Variants in CEP72 observed in about 807,000 individuals in gnomAD.
The protein encoded by CEP72 is centrosomal protein 72.
A neutral mutation model predicts 65.7 loss-of-function variants in CEP72; 78 were observed. The observed-to-expected ratio is 1.19, with a 90% CI of 0.99 to 1.43. CEP72 has a LOEUF of 1.43. Among genes scored for constraint, CEP72 ranks in the 40% most tolerant of loss-of-function variants. CEP72 has a pLI of 0.00. For synonymous variants in CEP72, 358 were observed against 351.7 expected (o/e 1.02, Z -0.20); for missense variants, 914 against 832.9 (o/e 1.10, Z -1.20).
At chr5:674,789 ACAG>A in the CEP72 span, among the ~76,000 whole-genome samples, 1 of 151,660 alleles carries the variant, frequency 6.6e-6, no homozygotes, top group African/African-American at 2.4e-5. Context: ...CCAGCAGGGG[ACAG>A]TGGGCTGGTC....
downstream of CEP72, among the ~76,000 whole-genome samples, chr5:667,703 GA>G (rs950555528): frequency 6.6e-6 from 1 of 151,264 alleles, no homozygotes; most frequent in Non-Finnish European, 1.5e-5. Context: ...TCAGCAGTAA[GA>G]AAAAAAATCC....
chr5:643,326 C>G, intron 9 of CEP72: 4 of 985,472 alleles, frequency 4.1e-6, no homozygotes, highest in Non-Finnish European at 4.8e-6. Flanking sequence ...CCCAAAGCCC[C>G]GCGCGGAGGG....
chr5:649,140 A>T (rs1379640894), intron 11 of CEP72, among the ~76,000 whole-genome samples: 7 of 138,932 alleles, frequency 5.0e-5, no homozygotes, highest in African/African-American at 1.9e-4. Context: ...CGTGACTGTG[A>T]GGCGTGACTG....
At position 623,782 on chromosome 5, in the gene CEP72, ACTC is replaced by A. The variant is rs1736554460; in HGVS notation, c.404-684_404-682del. Among the ~76,000 whole-genome samples the A allele has an allele frequency of 6.6e-6, 1 of 151,170 alleles. No individual in the cohort carries two copies. The highest frequency in any genetic ancestry group is 2.4e-5 in the African/African-American group (1 of 41,058). ...TCGGCATCTTTGTGTGATTATCAGAACTCCTCCGTTTTTCTGCTTTGAACATTA... is the reference window on the plus strand; with the variant it reads ...TCGGCATCTTTGTGTGATTATCAGAACTCCGTTTTTCTGCTTTGAACATTA... On this transcript the variant is annotated intron_variant, in intron 3 of 11. Transcript: ENST00000264935. This position sits in a 1 kb window ranked among gnomAD's most constrained non-coding sequence, Gnocchi z 5.3.
chr5:653,217 G>A lies in CEP72; in HGVS notation c.*64G>A. The A allele has an allele frequency of 1.4e-6, 2 of 1,443,536 alleles. No individual in the cohort carries two copies. Among genetic ancestry groups the A allele is most frequent in the South Asian group, 1.4e-5 (1 of 70,574 alleles). 89.4% of individuals were successfully genotyped at this position (1,443,536 alleles called of 1,614,324 possible). Reference sequence around the variant, plus strand: ...GTAAAGTTACATTGTCTGCACCTTTGTACTTCTTTATTGAGTGTACTGGCT... The same window carrying A: ...GTAAAGTTACATTGTCTGCACCTTTATACTTCTTTATTGAGTGTACTGGCT... On this transcript the variant is annotated 3_prime_UTR_variant, in exon 12 of 12. Transcript: ENST00000264935.
intron 11 of CEP72, among the ~76,000 whole-genome samples, chr5:650,301 G>T (rs1228783712): frequency 2.5e-3 from 226 of 92,086 alleles, no homozygotes; most frequent in Non-Finnish European, 3.7e-3. Context: ...AGGTGTGACT[G>T]TGAGGTGTGA....
intron 4 of CEP72, among the ~76,000 whole-genome samples, chr5:631,471 G>T (rs1235311152): frequency 2.0e-5 from 1 of 51,168 alleles, no homozygotes; most frequent in Non-Finnish European, 3.6e-5. Context: ...GTGGGGTTCT[G>T]TCCAGCGCCG....
chr5:613,395 G>A (rs1735799026), intron 1 of CEP72, among the ~76,000 whole-genome samples: 5 of 151,990 alleles, frequency 3.3e-5, no homozygotes, highest in Admixed American at 3.3e-4. Flanking sequence ...TTTTTAGACG[G>A]AGTCTCACTC....
At chr5:650,239 G>A (rs1738903177) in intron 11 of CEP72, among the ~76,000 whole-genome samples, 1 of 110,292 alleles carries the variant, frequency 9.1e-6, no homozygotes, top group African/African-American at 3.8e-5. Flanking sequence ...GGACTGTGAG[G>A]CGTGGACTGT....
At chr5:619,207 C>A in intron 2 of CEP72, 90 bp downstream of exon 2, 1 of 1,249,938 alleles carries the variant, frequency 8.0e-7, no homozygotes, top group African/African-American at 1.5e-5. Flanking sequence ...TTTTGTAACC[C>A]TCTGCTTACA....
chr5:651,723 C>T (rs527388221), intron 11 of CEP72, among the ~76,000 whole-genome samples: 12 of 152,132 alleles, frequency 7.9e-5, no homozygotes, highest in African/African-American at 2.9e-4. Flanking sequence ...GAGGCAAGGA[C>T]AGGTCGCTCT....
intron 2 of CEP72, chr5:664,670 T>A (rs1161979507): frequency 1.1e-5 from 2 of 176,620 alleles, no homozygotes; most frequent in Non-Finnish European, 2.4e-5. Flanking sequence ...TGGGGCCAAT[T>A]CCGTGTTAGT....
chr5:629,878 C>A (rs1165399958), intron 4 of CEP72, among the ~76,000 whole-genome samples: 4 of 33,864 alleles, frequency 1.2e-4, no homozygotes, highest in Non-Finnish European at 1.7e-4. Flanking sequence ...TTCTGTCCAG[C>A]GCCGGGATTT....
At chr5:672,523 C>T in the CEP72 span, among the ~76,000 whole-genome samples, 1 of 152,270 alleles carries the variant, frequency 6.6e-6, no homozygotes, top group Non-Finnish European at 1.5e-5. Flanking sequence ...TGGGTGCCCC[C>T]ACCTGAGCTA....
the CEP72 span, among the ~76,000 whole-genome samples, chr5:673,496 TCAGGC>T: frequency 6.6e-6 from 1 of 152,050 alleles, no homozygotes; most frequent in East Asian, 1.9e-4. Context: ...TGGCCTCCCC[TCAGGC>T]CGGAGTCCCA....
the CEP72 span, among the ~76,000 whole-genome samples, chr5:675,459 AGCACAG>A: frequency 9.2e-5 from 3 of 32,440 alleles, no homozygotes; most frequent in African/African-American, 4.9e-4. Flanking sequence ...GCTGGGGTGC[AGCACAG>A]GGGGTGCAGT....
chr5:640,544 G>A lies in CEP72; in HGVS notation c.1479G>A (p.Gln493=), dbSNP rs1401607082. The stretch of plus-strand genomic sequence containing the variant: ...AAAGCCGCCTTGCTGAGCAGCAGCA[G>A]CAGCACGCCCGGGAGATGAGCGAGG... ...SLQSRLAEQQ[Q]QHAREMSEVT... is the part of the protein sequence containing the mutation. The change falls in exon 9 of 12, where the codon CAG becomes CAA. Residue 493 remains glutamine (Q), a synonymous_variant. Coordinates refer to ENST00000264935, the MANE Select transcript of CEP72 (RefSeq NM_018140.4). 6.2e-7 allele frequency: 1 copy of A among 1,614,132 alleles called. No homozygotes were observed.
At chr5:622,714 A>G (rs946302205) in intron 3 of CEP72, among the ~76,000 whole-genome samples, 1 of 151,760 alleles carries the variant, frequency 6.6e-6, no homozygotes, top group East Asian at 1.9e-4. Flanking sequence ...TGTGCCTGAC[A>G]CTCTTCCCCC....
intron 2 of CEP72, 118 bp from the exon 3 acceptor site, chr5:619,951 C>G (rs1227642836): frequency 4.0e-6 from 3 of 759,324 alleles, no homozygotes; most frequent in Non-Finnish European, 4.3e-6. Flanking sequence ...CTGGTAATGA[C>G]ATGGAGTTAT....
Sources: gnomAD v4.1 joint callset for allele counts (sites outside exome capture counted in the v4.1 genomes callset) on GRCh38, gnomAD v4.1.1 for gene constraint, Gnocchi (gnomAD v3.1) non-coding constraint, MANE v1.5 for transcripts, NCBI Gene and HGNC (gene_info 2026-07-23, HGNC 2026-07-21) for gene names.